Variants in TNNC2 observed in about 807,000 individuals in gnomAD.
TNNC2 encodes troponin C, skeletal muscle.
A neutral mutation model predicts 20.0 loss-of-function variants in TNNC2; 14 were observed. The observed-to-expected ratio is 0.70, with a 90% CI of 0.46 to 1.09. The LOEUF is 1.09. Ranked by LOEUF, TNNC2 falls within the 50% of genes least tolerant of loss-of-function variation. TNNC2 has a pLI of 0.00. For synonymous variants in TNNC2, 81 were observed against 77.3 expected, an observed-to-expected ratio of 1.05 and a Z score of -0.25; for missense variants, 163 against 223.8, an observed-to-expected ratio of 0.73 and a Z score of 1.73.
intron 1 of TNNC2, among the ~76,000 whole-genome samples, chr20:45,826,377 G>C (rs1568721075): frequency 6.6e-6 from 1 of 152,202 alleles, no homozygotes; most frequent in Non-Finnish European, 1.5e-5. Flanking sequence ...TTGGAGAAAA[G>C]GCCCCTCATG....
At chr20:45,825,948 G>C (rs1282653769) in intron 1 of TNNC2, among the ~76,000 whole-genome samples, 1 of 152,178 alleles carries the variant, frequency 6.6e-6, no homozygotes, top group Non-Finnish European at 1.5e-5. Flanking sequence ...CAAAAGAGAG[G>C]AGACAACAAG....
Position 45,823,998 on chromosome 20 carries a change from G to A in TNNC2, c.444C>T (p.Asp148=). The A allele has an allele frequency of 6.2e-7, 1 of 1,614,108 alleles. No homozygotes were observed. The highest frequency in any genetic ancestry group is 1.1e-5 in the South Asian group (1 of 91,084). The stretch of plus-strand genomic sequence containing the variant: ...GCTCCCGTTGGCCCTCACCGTCGAA[G>A]TCAATGCGGCCGTCGTTGTTCTTGT... ...DGDKNNDGRI[D]FDEFLKMMEG... is the part of the protein sequence containing the mutation. Residue 148 remains aspartate (D), a synonymous_variant, in exon 5 of 6, where the codon GAC becomes GAT. Transcript: ENST00000372555. This position sits in a 1 kb window ranked among gnomAD's most constrained non-coding sequence, Gnocchi z 4.6.
chr20:45,823,356 C>T lies in TNNC2; in HGVS notation c.475G>A (p.Val159Met), dbSNP rs777709485. 3.7e-5 allele frequency: 59 copies of T among 1,590,542 alleles called. 1 individual carries two copies. Among genetic ancestry groups the T allele is most frequent in the Non-Finnish European group, 4.5e-5 (53 of 1,168,992 alleles). ...FDEFLKMMEG[V>M]Q The stretch of plus-strand genomic sequence containing the variant: ...AGGCGACTGTCCACTCCTTACTGCA[C>T]GCCCTCCATCATCTTCAGGAACTCT... Residue 159 changes from valine to methionine, a missense_variant, in exon 6 of 6, where the codon GTG (valine) becomes ATG (methionine). Physicochemically the swap from Val to Met is conservative, Grantham distance 21. Coordinates refer to ENST00000372555, the MANE Select transcript of TNNC2 (RefSeq NM_003279.3). The surrounding 1 kb of genome is among the most constrained non-coding windows in gnomAD (Gnocchi z 4.6).
intron 2 of TNNC2, 72 bp from the exon 3 acceptor site, chr20:45,824,710 C>A: frequency 3.1e-6 from 5 of 1,593,546 alleles, no homozygotes; most frequent in Non-Finnish European, 3.4e-6. Flanking sequence ...CCCCCCAACC[C>A]CCACCCTGCC....
intron 2 of TNNC2, among the ~76,000 whole-genome samples, chr20:45,833,076 G>A (rs923979709): frequency 3.3e-5 from 5 of 152,290 alleles, no homozygotes; most frequent in South Asian, 4.1e-4. Context: ...CCAGGGAGGC[G>A]GAGGTTGCAG....
upstream of TNNC2, among the ~76,000 whole-genome samples, chr20:45,829,008 T>A (rs1983043244): frequency 6.6e-6 from 1 of 152,080 alleles, no homozygotes; most frequent in Non-Finnish European, 1.5e-5. Flanking sequence ...TGAGACAGAC[T>A]CTCACTCTGT....
At position 45,823,291 on chromosome 20, in the gene TNNC2, G is replaced by A. The variant is rs1214096910; in HGVS notation, c.*57C>T. On this transcript the variant is annotated 3_prime_UTR_variant, in exon 6 of 6. Coordinates refer to ENST00000372555, the MANE Select transcript of TNNC2 (RefSeq NM_003279.3). This position sits in a 1 kb window ranked among gnomAD's most constrained non-coding sequence, Gnocchi z 4.6. Reference sequence around the variant, plus strand: ...GCCTCCCTGGTGGGGACCCGGCAGGGCGGAGTCTCCCACACCCTAGGGACA... The same window carrying A: ...GCCTCCCTGGTGGGGACCCGGCAGGACGGAGTCTCCCACACCCTAGGGACA... 2 of 1,497,192 alleles carry A rather than the reference G, an allele frequency of 1.3e-6. No homozygotes were observed. Among genetic ancestry groups the A allele is most frequent in the Middle Eastern group, 3.5e-4 (2 of 5,776 alleles). The allele number at this position is 1,497,192 out of a possible 1,614,324, so 92.7% of individuals were successfully genotyped here. A position where few individuals can be genotyped will look rare whatever the true frequency, so the allele number is the denominator to read the frequency against.
chr20:45,828,872 G>T (rs990458456), upstream of TNNC2, among the ~76,000 whole-genome samples: 1 of 152,204 alleles, frequency 6.6e-6, no homozygotes, highest in African/African-American at 2.4e-5. Flanking sequence ...CCCAAGGAAA[G>T]CTCAGCAGGG....
rs1369912055 is a variant in TNNC2, at chr20:45,823,698, GC to G, written c.451+292del. ...TGTAAAGACAGGGTCTCACTATGTT[GC>G]CCAGGCTGGTCTCGAACTCTTGGCC... On this transcript the variant is annotated intron_variant, in intron 5 of 5. Coordinates refer to ENST00000372555, the MANE Select transcript of TNNC2 (RefSeq NM_003279.3). This position sits in a 1 kb window ranked among gnomAD's most constrained non-coding sequence, Gnocchi z 4.6. Among the ~76,000 whole-genome samples, 1 of 151,868 alleles carries G rather than the reference GC, an allele frequency of 6.6e-6. No individual in the cohort carries two copies. Among genetic ancestry groups the G allele is most frequent in the Non-Finnish European group, 1.5e-5 (1 of 67,962 alleles).
At chr20:45,827,553 C>T (rs1232928222), upstream of TNNC2, among the ~76,000 whole-genome samples, 1 of 152,176 alleles carries the variant, frequency 6.6e-6, no homozygotes, top group African/African-American at 2.4e-5. Context: ...TGTTCCACTG[C>T]CTTGGAGTCC....
In TNNC2 at chr20:45,823,448, C is replaced by CCA; in HGVS notation, c.452-71_452-70dup. 2.0e-6 allele frequency: 3 copies of CCA among 1,467,132 alleles called. No homozygotes were observed. Among genetic ancestry groups the CCA allele is most frequent in the Non-Finnish European group, 2.8e-6 (3 of 1,075,592 alleles). 90.9% of individuals were successfully genotyped at this position (1,467,132 alleles called of 1,614,324 possible). A position where few individuals can be genotyped will look rare whatever the true frequency, so the allele number is the denominator to read the frequency against. ...CGCAGAGGCCAGGCCAGGGCTCCAGCCACACAGAGGGGATGACTTTTTGTT... is the reference window on the plus strand; with the variant it reads ...CGCAGAGGCCAGGCCAGGGCTCCAGCCACACACAGAGGGGATGACTTTTTGTT... On this transcript the variant is annotated intron_variant, in intron 5 of 5. Coordinates refer to ENST00000372555, the MANE Select transcript of TNNC2 (RefSeq NM_003279.3). This position sits in a 1 kb window ranked among gnomAD's most constrained non-coding sequence, Gnocchi z 4.6.
In TNNC2 at chr20:45,823,218, G is replaced by A; in HGVS notation, c.*130C>T. ...TCCCCTCATTCAGGCCACGAGTTTT[G>A]GAACATTTGCTTTTATTCCTTCCAG... On this transcript the variant is annotated 3_prime_UTR_variant, in exon 6 of 6. Coordinates refer to ENST00000372555, the MANE Select transcript of TNNC2 (RefSeq NM_003279.3). This position sits in a 1 kb window ranked among gnomAD's most constrained non-coding sequence, Gnocchi z 4.6. 4 of 895,054 alleles carry A rather than the reference G, an allele frequency of 4.5e-6. No individual in the cohort carries two copies. Among genetic ancestry groups the A allele is most frequent in the Non-Finnish European group, 6.4e-6 (4 of 629,536 alleles). The allele number at this position is 895,054 out of a possible 1,614,324, so 55.4% of individuals were successfully genotyped here. A position where few individuals can be genotyped will look rare whatever the true frequency, so the allele number is the denominator to read the frequency against.
intron 1 of TNNC2, 151 bp from the exon 2 acceptor site, chr20:45,824,985 C>T (rs1211571649): frequency 3.5e-6 from 3 of 848,688 alleles, no homozygotes; most frequent in Non-Finnish European, 5.8e-6. Flanking sequence ...TGTGCCCGCA[C>T]AGCACCCAAT....
chr20:45,824,417 C>G lies in TNNC2; in HGVS notation c.200-11G>C, dbSNP rs759703699. 1.2e-6 allele frequency: 2 copies of G among 1,610,820 alleles called. No homozygotes were observed. The highest frequency in any genetic ancestry group is 1.7e-6 in the Non-Finnish European group (2 of 1,179,992). ...CGATGGTGCCGCTGCCTGCGGGCAG[C>G]AGGTGGCAGACTGAGCCTGAGCCCA... On this transcript the variant is annotated splice_polypyrimidine_tract_variant and intron_variant, in intron 3 of 5. Transcript: ENST00000372555.
chr20:45,827,096 G>T, intron 1 of TNNC2, 150 bp downstream of exon 1: 2 of 920,618 alleles, frequency 2.2e-6, no homozygotes, highest in Admixed American at 2.2e-5. Context: ...AAAAGTCAAA[G>T]GCCTTCCTCC....
intron 3 of TNNC2, 21 bp from the exon 4 acceptor site, chr20:45,824,427 A>ACTGAGC: frequency 6.2e-7 from 1 of 1,610,988 alleles, no homozygotes; most frequent in South Asian, 1.1e-5. Flanking sequence ...CAGGTGGCAG[A>ACTGAGC]CTGAGCCTGA....
At chr20:45,824,961 T>C in intron 1 of TNNC2, 127 bp from the exon 2 acceptor site, 1 of 1,021,288 alleles carries the variant, frequency 9.8e-7, no homozygotes, top group Non-Finnish European at 1.5e-6. Flanking sequence ...AACTTCAAAC[T>C]TGTCACATAA....
chr20:45,824,808 G>A lies in TNNC2; in HGVS notation c.30C>T (p.Ser10=). ...CAGCGATCATCTCTTCGCTGAGGTA[G>A]GACCTGGCCTCAGCCTGCTGGTCCG... The part of the protein sequence containing the change: MTDQQAEAR[S]YLSEEMIAEF... Residue 10 remains serine, a synonymous_variant, in exon 2 of 6, where the codon TCC becomes TCT. Transcript: ENST00000372555. 6.2e-7 allele frequency: 1 copy of A among 1,613,132 alleles called. No individual in the cohort carries two copies. Among genetic ancestry groups the A allele is most frequent in the Non-Finnish European group, 8.5e-7 (1 of 1,179,902 alleles).
At position 45,824,338 on chromosome 20, in the gene TNNC2, CT is replaced by C; in HGVS notation, c.267del (p.Lys91ArgfsTer37). The C allele has an allele frequency of 6.2e-7, 1 of 1,611,266 alleles. No individual in the cohort carries two copies. On this transcript the variant is annotated frameshift_variant, in exon 4 of 6. Transcript: ENST00000372555. LOFTEE classifies it high-confidence loss of function. ...TCGGCCAGCTCCTCCTCGCTCTTCC[CT>C]TTCGCGTCCTCTTTCATCTGGCGCA... ...MMVRQMKEDA[K>X]GKSEEELAEC...
Sources: gnomAD v4.1 joint callset for allele counts (sites outside exome capture counted in the v4.1 genomes callset) on GRCh38, gnomAD v4.1.1 for gene constraint, Gnocchi (gnomAD v3.1) non-coding constraint, MANE v1.5 for transcripts, NCBI Gene and HGNC (gene_info 2026-07-23, HGNC 2026-07-21) for gene names.